The following SREBF2 variants were observed in gnomAD, a reference collection of about 807,000 sequenced individuals.
The protein encoded by SREBF2 is sterol regulatory element binding transcription factor 2, also known as sterol regulatory element-binding protein 2.
In SREBF2, 55 loss-of-function variants were observed where a neutral mutation model predicts 113.1. The observed-to-expected ratio is 0.49, with a 90% CI of 0.39 to 0.61. SREBF2 has a LOEUF of 0.61. Among genes scored for constraint, SREBF2 ranks in the 20% least tolerant of loss-of-function variants. The pLI is 0.00. For synonymous variants in SREBF2, 593 were observed against 605.7 expected (o/e 0.98, Z 0.31); for missense variants, 1,349 against 1,487.4 (o/e 0.91, Z 1.53).
In SREBF2 at chr22:41,871,105, G is replaced by T. The variant is rs911471479; in HGVS notation, c.867+70G>T. Reference sequence around the variant, plus strand: ...CCTGGAGGTGTTAGTCTTCAGAGATGTTAAATCTCTATATGCTGAGTAGGT... The same window carrying T: ...CCTGGAGGTGTTAGTCTTCAGAGATTTTAAATCTCTATATGCTGAGTAGGT... On this transcript the variant is annotated intron_variant, in intron 4 of 18. Coordinates refer to ENST00000361204, the MANE Select transcript of SREBF2 (RefSeq NM_004599.4). The T allele has an allele frequency of 3.2e-6, 5 of 1,586,128 alleles. No homozygotes were observed. The African/African-American group carries it at 4.0e-5, about 13-fold the overall frequency.
In SREBF2 at chr22:41,877,830, T is replaced by C. The variant is rs2077210660; in HGVS notation, c.1580-112T>C. The C allele has an allele frequency of 2.3e-5, 27 of 1,155,944 alleles. 1 individual carries two copies. The South Asian group carries it at 3.3e-4, about 14-fold the overall frequency. The allele number at this position is 1,155,944 out of a possible 1,614,324, so 71.6% of individuals were successfully genotyped here. A position where few individuals can be genotyped will look rare whatever the true frequency, so the allele number is the denominator to read the frequency against. On this transcript the variant is annotated intron_variant, in intron 8 of 18. Coordinates refer to ENST00000361204, the MANE Select transcript of SREBF2 (RefSeq NM_004599.4). ...AGATTATAGAATTATTTGCCCTTTC[T>C]TCTGAAAATGAGGTAGAAGACTCTT...
Position 41,875,616 on chromosome 22 carries a change from G to A in SREBF2, c.1278G>A (p.Gln426=). The A allele has an allele frequency of 1.2e-6, 2 of 1,614,198 alleles. No homozygotes were observed. Among genetic ancestry groups the A allele is most frequent in the Non-Finnish European group, 1.7e-6 (2 of 1,180,042 alleles). Residue 426 remains glutamine (Q), a synonymous_variant, in exon 7 of 19, where the codon CAG becomes CAA. Coordinates refer to ENST00000361204, the MANE Select transcript of SREBF2 (RefSeq NM_004599.4). ...EVDLKIEDFN[Q]NVLLMSPPAS... ...ACCTGAAGATCGAGGACTTTAATCA[G>A]AATGTCCTTCTGATGTCCCCCCCAG...
chr22:41,870,613 G>A (rs1211616027), intron 3 of SREBF2, among the ~76,000 whole-genome samples: 3 of 113,512 alleles, frequency 2.6e-5, no homozygotes, highest in African/African-American at 1.1e-4. Flanking sequence ...GCAACAGAGA[G>A]CAACCCTGTC....
At chr22:41,846,783 TTTC>T (rs1952287682) in intron 1 of SREBF2, among the ~76,000 whole-genome samples, 4 of 152,188 alleles carry the variant, frequency 2.6e-5, no homozygotes, top group Admixed American at 2.6e-4. Context: ...TAAGCTCGGT[TTTC>T]ACTGCCTGCC....
intron 1 of SREBF2, among the ~76,000 whole-genome samples, chr22:41,854,823 G>A (rs1038690432): frequency 9.9e-5 from 15 of 152,126 alleles, no homozygotes; most frequent in Admixed American, 9.2e-4. Context: ...AGAGGCTGCA[G>A]TGAGCTGAGA....
intron 1 of SREBF2, among the ~76,000 whole-genome samples, chr22:41,836,173 T>C (rs532615598): frequency 2.6e-5 from 4 of 152,204 alleles, no homozygotes; most frequent in Non-Finnish European, 5.9e-5. Flanking sequence ...GGAAGAGGTG[T>C]GGCTGTTGTG....
At position 41,833,121 on chromosome 22, in the gene SREBF2, C is replaced by A. The variant is rs962965940; in HGVS notation, c.-150C>A. The A allele has an allele frequency of 9.0e-6, 5 of 555,242 alleles. No homozygotes were observed. Among genetic ancestry groups the A allele is most frequent in the Non-Finnish European group, 1.2e-5 (4 of 339,952 alleles). The allele number at this position is 555,242 out of a possible 1,614,324, so 34.4% of individuals were successfully genotyped here. On this transcript the variant is annotated 5_prime_UTR_variant, in exon 1 of 19. Coordinates refer to ENST00000361204, the MANE Select transcript of SREBF2 (RefSeq NM_004599.4). This position sits in a 1 kb window ranked among gnomAD's most constrained non-coding sequence, Gnocchi z 4.1. Reference sequence around the variant, plus strand: ...CGCCCCGCCCTTTCTGTGCGGCGCCCGGGCGCAACGCAAACATGGCGGCGG... The same window carrying A: ...CGCCCCGCCCTTTCTGTGCGGCGCCAGGGCGCAACGCAAACATGGCGGCGG...
chr22:41,898,584 C>T, intron 14 of SREBF2, 65 bp from the exon 15 acceptor site: 2 of 1,609,252 alleles, frequency 1.2e-6, no homozygotes, highest in African/African-American at 1.3e-5. Context: ...AGTGTAGCAG[C>T]CTCTGAGCGC....
intron 1 of SREBF2, among the ~76,000 whole-genome samples, chr22:41,856,542 T>C (rs1255893645): frequency 6.6e-6 from 1 of 152,216 alleles, no homozygotes; most frequent in African/African-American, 2.4e-5. Flanking sequence ...AGTTTTGAAG[T>C]AGAATTGTGA....
intron 1 of SREBF2, among the ~76,000 whole-genome samples, chr22:41,852,691 G>A (rs1001020607): frequency 1.5e-5 from 2 of 133,746 alleles, no homozygotes; most frequent in African/African-American, 5.6e-5. Flanking sequence ...TTATCTGACT[G>A]ACTTTTTATT....
At chr22:41,900,936 G>C (rs1224622896) in intron 16 of SREBF2, 1 of 536,128 alleles carries the variant, frequency 1.9e-6, no homozygotes, top group East Asian at 5.4e-5. Context: ...ATACCTCCTG[G>C]CGGGCAGCTG....
intron 9 of SREBF2, chr22:41,878,741 G>A (rs1408175937): frequency 1.5e-6 from 2 of 1,304,238 alleles, no homozygotes; most frequent in Admixed American, 4.6e-5. Flanking sequence ...ACAAGAACCA[G>A]AACACTCCTC....
chr22:41,883,535 A>G (rs771532356), intron 10 of SREBF2, among the ~76,000 whole-genome samples: 4 of 152,240 alleles, frequency 2.6e-5, no homozygotes, highest in African/African-American at 4.8e-5. Context: ...CCTTGCTGCC[A>G]AATTCTGGAG....
intron 18 of SREBF2, among the ~76,000 whole-genome samples, 163 bp downstream of exon 18, chr22:41,905,137 A>G (rs2077496166): frequency 6.6e-6 from 1 of 152,184 alleles, no homozygotes; most frequent in African/African-American, 2.4e-5. Flanking sequence ...GGTGGGTTGC[A>G]GGGGTTGGGG....
chr22:41,856,178 G>A (rs970601864), intron 1 of SREBF2, among the ~76,000 whole-genome samples: 10 of 151,766 alleles, frequency 6.6e-5, no homozygotes, highest in African/African-American at 2.4e-4. Context: ...CCAGGTTGGA[G>A]TACAGTGGCA....
chr22:41,855,931 A>AT (rs1261609713), intron 1 of SREBF2, among the ~76,000 whole-genome samples: 1 of 148,406 alleles, frequency 6.7e-6, no homozygotes, highest in Non-Finnish European at 1.5e-5. Flanking sequence ...AAGTTTTTTT[A>AT]TTTTTTAGAG....
rs376557873 is a variant in SREBF2, at chr22:41,890,672, AT to A, written c.2209-2432del. ...AAAATTTAGGAAAACTTAAAAAAAA[AT>A]TTTTTTTTTTTTGGCTTGGGATTAC... On this transcript the variant is annotated intron_variant, in intron 11 of 18. Transcript: ENST00000361204. 3.3e-3 allele frequency among the ~76,000 whole-genome samples: 484 copies of A among 147,200 alleles called. 2 individuals carry two copies. The highest frequency in any genetic ancestry group is 8.2e-3 in the South Asian group (38 of 4,638).
At chr22:41,877,792 A>C in intron 8 of SREBF2, 150 bp from the exon 9 acceptor site, 3 of 890,120 alleles carry the variant, frequency 3.4e-6, no homozygotes, top group Non-Finnish European at 5.5e-6. Flanking sequence ...GGCTACAGTC[A>C]TTAGCCCTGT....
Position 41,871,006 on chromosome 22 carries a change from C to G in SREBF2, c.838C>G (p.Pro280Ala), listed in dbSNP as rs1443850535. 1.2e-6 allele frequency: 2 copies of G among 1,614,148 alleles called. No individual in the cohort carries two copies. The highest frequency in any genetic ancestry group is 1.1e-5 in the South Asian group (1 of 91,078). Residue 280 changes from proline to alanine, a missense_variant, in exon 4 of 19, where the codon CCT becomes GCT. Pro to Ala is a conservative substitution (Grantham distance 27). Coordinates refer to ENST00000361204, the MANE Select transcript of SREBF2 (RefSeq NM_004599.4). ...CCCGGCCCTCACCGCCCTCACCACC[C>G]CTATCCAGACGGCTGCCCTTCAAGT... ...QNPALTALTT[P>A]IQTAALQVPT... is the part of the protein sequence containing the mutation.
Sources: gnomAD v4.1 joint callset for allele counts (sites outside exome capture counted in the v4.1 genomes callset) on GRCh38, gnomAD v4.1.1 for gene constraint, Gnocchi (gnomAD v3.1) non-coding constraint, MANE v1.5 for transcripts, NCBI Gene and HGNC (gene_info 2026-07-23, HGNC 2026-07-21) for gene names.